Variants in ZMYM2 observed in about 807,000 individuals in gnomAD.
ZMYM2 encodes the protein zinc finger MYM-type containing 2, also known as zinc finger MYM-type protein 2.
ZMYM2 carries 56 observed loss-of-function variants against 162.8 expected under a neutral mutation model. That is an observed-to-expected ratio of 0.34 (90% CI 0.28 to 0.43). ZMYM2 has a LOEUF of 0.43. Ranked by LOEUF, ZMYM2 falls within the 20% of genes least tolerant of loss-of-function variation. The pLI is 1.00. For synonymous variants in ZMYM2, 510 were observed against 541.6 expected (o/e 0.94, Z 0.81); for missense variants, 1,275 against 1,621.8 (o/e 0.79, Z 3.67).
chr13:20,039,473 G>GTTTT (rs71070289), intron 12 of ZMYM2, among the ~76,000 whole-genome samples: 4 of 101,222 alleles, frequency 4.0e-5, no homozygotes, highest in African/African-American at 1.3e-4. Context: ...TTTATTGAGA[G>GTTTT]TTTTTTTTTT....
intron 10 of ZMYM2, among the ~76,000 whole-genome samples, chr13:20,032,595 C>CTTTTTTTTTTTT (rs1566350627): frequency 1.0e-5 from 1 of 96,380 alleles, no homozygotes. Context: ...GATTTTTTTT[C>CTTTTTTTTTTTT]TGTCTTTTTT....
chr13:19,972,408 A>G (rs1956407124), intron 2 of ZMYM2, among the ~76,000 whole-genome samples: 1 of 152,312 alleles, frequency 6.6e-6, no homozygotes, highest in African/African-American at 2.4e-5. Context: ...CTTAAGAATT[A>G]TCTAGTAATC....
intron 19 of ZMYM2, chr13:20,066,637 T>C: frequency 2.6e-6 from 1 of 389,070 alleles, no homozygotes; most frequent in Non-Finnish European, 4.5e-6. Context: ...GAGGTTGATC[T>C]TGCTGTCTCA....
intron 12 of ZMYM2, among the ~76,000 whole-genome samples, chr13:20,044,961 A>G (rs1452331797): frequency 1.3e-5 from 2 of 150,652 alleles, no homozygotes; most frequent in African/African-American, 4.9e-5. Context: ...GAGGCAGGAA[A>G]ATCACTTGAA....
chr13:19,980,752 CAAAAAAAAAAA>C (rs914320015), intron 2 of ZMYM2, among the ~76,000 whole-genome samples: 3 of 31,224 alleles, frequency 9.6e-5, no homozygotes, highest in Non-Finnish European at 1.5e-4. Flanking sequence ...GACTCCATCT[CAAAAAAAAAAA>C]AAAAAAAAAA....
chr13:19,950,139 T>C, the ZMYM2 span, among the ~76,000 whole-genome samples: 14,417 of 151,806 alleles, frequency 0.095, 1,068 homozygotes, highest in African/African-American at 0.2. Context: ...AAAATTCAGC[T>C]GGGTATGGTG....
the ZMYM2 span, among the ~76,000 whole-genome samples, chr13:19,943,561 C>A: frequency 6.6e-6 from 1 of 152,154 alleles, no homozygotes; most frequent in Non-Finnish European, 1.5e-5. Context: ...CAAATTTATA[C>A]CAGTACTTCA....
chr13:20,016,914 A>G (rs896596649), intron 6 of ZMYM2, among the ~76,000 whole-genome samples: 2 of 152,172 alleles, frequency 1.3e-5, no homozygotes, highest in Non-Finnish European at 2.9e-5. Flanking sequence ...AATTTTTCAG[A>G]TAATCTTTTG....
At chr13:20,057,582 ATGTGCTGTGTGAGTGCTGTACAGTATGCG>A (rs1955897294) in intron 14 of ZMYM2, among the ~76,000 whole-genome samples, 1 of 152,186 alleles carries the variant, frequency 6.6e-6, no homozygotes, top group African/African-American at 2.4e-5. Context: ...TACAGTGTGC[ATGTGCTGTGTGAGTGCTGTACAGTATGCG>A]TGTGCATTAT....
the ZMYM2 span, among the ~76,000 whole-genome samples, chr13:19,884,348 G>A: frequency 1.3e-5 from 2 of 152,318 alleles, no homozygotes; most frequent in East Asian, 1.9e-4. Flanking sequence ...GGCCCTGGCA[G>A]AAAAAGCACG....
the ZMYM2 span, among the ~76,000 whole-genome samples, chr13:19,900,497 A>C: frequency 6.6e-6 from 1 of 152,186 alleles, no homozygotes; most frequent in Non-Finnish European, 1.5e-5. Context: ...GGTAAATTCT[A>C]CCAAACATTA....
the ZMYM2 span, among the ~76,000 whole-genome samples, chr13:19,920,312 G>A: frequency 6.6e-6 from 1 of 152,042 alleles, no homozygotes; most frequent in African/African-American, 2.4e-5. Flanking sequence ...CTCTAAAAAT[G>A]TAAAAACCAT....
At chr13:19,997,447 CT>C in intron 3 of ZMYM2, among the ~76,000 whole-genome samples, 1 of 152,170 alleles carries the variant, frequency 6.6e-6, no homozygotes, top group Admixed American at 6.6e-5. Context: ...TAAATATGCT[CT>C]TTTTTACTCA....
chr13:19,887,080 C>T, the ZMYM2 span, among the ~76,000 whole-genome samples: 7 of 151,800 alleles, frequency 4.6e-5, no homozygotes, highest in South Asian at 2.1e-4. Flanking sequence ...AATCATATTA[C>T]GATGTAATTT....
At chr13:20,046,118 T>A (rs193190474) in intron 12 of ZMYM2, among the ~76,000 whole-genome samples, 147 of 150,998 alleles carry the variant, frequency 9.7e-4, no homozygotes, top group African/African-American at 3.4e-3. Flanking sequence ...CAGGTGTGAT[T>A]TCATACCCCT....
chr13:20,053,034 T>A (rs1955502089), intron 14 of ZMYM2, among the ~76,000 whole-genome samples: 1 of 152,206 alleles, frequency 6.6e-6, no homozygotes, highest in Admixed American at 6.5e-5. Flanking sequence ...AATTCTACAC[T>A]TTTGTTAGCA....
At chr13:19,947,890 T>G in the ZMYM2 span, among the ~76,000 whole-genome samples, 3 of 152,094 alleles carry the variant, frequency 2.0e-5, no homozygotes, top group African/African-American at 7.2e-5. Context: ...TTTCTAGATA[T>G]CACCAGTTCT....
chr13:20,016,962 G>A (rs905692465), intron 6 of ZMYM2, among the ~76,000 whole-genome samples: 1 of 152,166 alleles, frequency 6.6e-6, no homozygotes, highest in Admixed American at 6.5e-5. Flanking sequence ...GAAAGTTCAT[G>A]TTGGTCTATT....
chr13:19,940,224 GA>G, the ZMYM2 span, among the ~76,000 whole-genome samples: 4 of 152,280 alleles, frequency 2.6e-5, no homozygotes, highest in African/African-American at 9.6e-5. Context: ...GTAGAATAAA[GA>G]AATGAAATAG....
Sources: gnomAD v4.1 joint callset for allele counts (sites outside exome capture counted in the v4.1 genomes callset) on GRCh38, gnomAD v4.1.1 for gene constraint, MANE v1.5 for transcripts, NCBI Gene and HGNC (gene_info 2026-07-23, HGNC 2026-07-21) for gene names.